CFI: variants seen among roughly 807,000 people sequenced by gnomAD.
The protein encoded by CFI is complement factor I, also known as C3B/C4B inactivator.
A neutral mutation model predicts 78.8 loss-of-function variants in CFI; 66 were observed. The ratio of observed to expected loss-of-function variants is 0.84; its 90% CI spans 0.69 to 1.03. The LOEUF (loss-of-function observed/expected upper bound fraction) is 1.03, where lower values mean the gene tolerates loss of function less well. Ranked by LOEUF, CFI falls within the 50% of genes least tolerant of loss-of-function variation. The probability of loss-of-function intolerance (pLI) is 0.00; values close to 1 mark genes in which losing one functional copy is unlikely to be tolerated. For missense variants in CFI, 706 were observed against 704.5 expected (o/e 1.00, Z -0.02); for synonymous variants, 250 against 232.6 (o/e 1.07, Z -0.68).
chr4:109,746,301 G>T lies in CFI; in HGVS notation c.1350C>A (p.Ile450=). 1 of 1,614,170 alleles carries T rather than the reference G, an allele frequency of 6.2e-7. No homozygotes were observed. Among genetic ancestry groups the T allele is most frequent in the Non-Finnish European group, 8.5e-7 (1 of 1,180,018 alleles). ...NKKDCELPRS[I]PACVPWSPYL... ...AAGGAGACCAGGGGACACAGGCAGG[G>T]ATGGAACGAGGCAGCTCACAATCTT... The change falls in exon 11 of 13, where the codon ATC becomes ATA. Residue 450 remains isoleucine, a synonymous_variant. Transcript: ENST00000394634.
chr4:109,799,361 C>T (rs926358747), intron 1 of CFI, among the ~76,000 whole-genome samples: 1 of 152,152 alleles, frequency 6.6e-6, no homozygotes, highest in Non-Finnish European at 1.5e-5. Flanking sequence ...TACAGGAAGG[C>T]CTTAGGATAG....
intron 1 of CFI, among the ~76,000 whole-genome samples, chr4:109,787,754 G>T (rs1229663700): frequency 6.6e-6 from 1 of 151,704 alleles, no homozygotes; most frequent in African/African-American, 2.4e-5. Context: ...TTGTTTTGGG[G>T]TCAACTCCAT....
At chr4:109,770,831 T>C (rs1419853686) in intron 1 of CFI, among the ~76,000 whole-genome samples, 1 of 152,068 alleles carries the variant, frequency 6.6e-6, no homozygotes, top group Non-Finnish European at 1.5e-5. Flanking sequence ...CAAGGAGAAC[T>C]GAAAGCTAAG....
At chr4:109,753,677 T>A (rs1368087194) in intron 7 of CFI, among the ~76,000 whole-genome samples, 1 of 109,466 alleles carries the variant, frequency 9.1e-6, no homozygotes, top group African/African-American at 3.9e-5. Context: ...TAATTTTATA[T>A]TATATATTAT....
intron 7 of CFI, among the ~76,000 whole-genome samples, chr4:109,754,303 T>C (rs1368375795): frequency 6.6e-6 from 1 of 150,390 alleles, no homozygotes; most frequent in Non-Finnish European, 1.5e-5. Context: ...TAACATAAGG[T>C]AGGGAGCAGT....
chr4:109,742,416 G>T, intron 12 of CFI, 75 bp downstream of exon 12: 2 of 974,908 alleles, frequency 2.1e-6, no homozygotes, highest in Non-Finnish European at 3.3e-6. Flanking sequence ...CATGGGGGCT[G>T]ATGTGGTGGG....
rs1010351654 is a variant in CFI, at chr4:109,766,655, G to C, written c.227C>G (p.Ala76Gly). The change falls in exon 2 of 13, where the codon GCA becomes GGA. Residue 76 changes from alanine (A) to glycine (G), a missense_variant. Ala to Gly is a moderately conservative substitution (Grantham distance 60). Coordinates refer to ENST00000394634, the MANE Select transcript of CFI (RefSeq NM_000204.5). ...QCPKNGTAVC[A>G]TNRRSFPTYC... The stretch of plus-strand genomic sequence containing the variant: ...TGTTGGGAAGCTTCTCCTGTTAGTT[G>C]CACACACTGCAGTGCCATTCTTTGG... 6.8e-6 allele frequency: 11 copies of C among 1,614,154 alleles called. No individual in the cohort carries two copies. The Middle Eastern group carries it at 1.2e-3, about 169-fold the overall frequency.
chr4:109,797,786 G>A (rs79954953), intron 1 of CFI, among the ~76,000 whole-genome samples: 4,176 of 152,256 alleles, frequency 0.027, 140 homozygotes, highest in Admixed American at 0.095. Context: ...AATAAGATAT[G>A]TAAATGGTCA....
At chr4:109,787,019 G>C (rs930595124) in intron 1 of CFI, among the ~76,000 whole-genome samples, 1 of 152,050 alleles carries the variant, frequency 6.6e-6, no homozygotes, top group Non-Finnish European at 1.5e-5. Flanking sequence ...AGAAGAGCAT[G>C]ACCAGGCTAG....
the CFI span, among the ~76,000 whole-genome samples, chr4:109,731,357 AAGTG>A: frequency 1.3e-5 from 2 of 152,156 alleles, no homozygotes; most frequent in African/African-American, 4.8e-5. Context: ...AAAAAAAAGA[AAGTG>A]AGTAAGTATT....
chr4:109,779,051 C>G (rs1729651909), intron 1 of CFI, among the ~76,000 whole-genome samples: 1 of 152,146 alleles, frequency 6.6e-6, no homozygotes, highest in Non-Finnish European at 1.5e-5. Context: ...AAACTGGAAG[C>G]ATTCCCTTTG....
intron 3 of CFI, 78 bp downstream of exon 3, chr4:109,764,459 A>G: frequency 2.0e-6 from 3 of 1,487,662 alleles, no homozygotes; most frequent in Non-Finnish European, 2.8e-6. Flanking sequence ...AAATTAATAC[A>G]CAGAAAGGTT....
chr4:109,777,530 A>AATAATAT (rs764440853), intron 1 of CFI, among the ~76,000 whole-genome samples: 6,250 of 152,124 alleles, frequency 0.041, 208 homozygotes, highest in Admixed American at 0.099. Flanking sequence ...CACAATAATA[A>AATAATAT]TGGGAGACTT....
intron 1 of CFI, among the ~76,000 whole-genome samples, chr4:109,794,729 G>C (rs1426392335): frequency 6.6e-6 from 1 of 152,096 alleles, no homozygotes; most frequent in African/African-American, 2.4e-5. Context: ...GGAGGCAGAG[G>C]TTGCAGTGAG....
intron 10 of CFI, among the ~76,000 whole-genome samples, chr4:109,747,894 T>C (rs562098826): frequency 6.6e-6 from 1 of 152,220 alleles, no homozygotes; most frequent in South Asian, 2.1e-4. Flanking sequence ...ACATGTGCAA[T>C]TCACAATAGG....
At chr4:109,780,352 T>C (rs1729844246) in intron 1 of CFI, among the ~76,000 whole-genome samples, 1 of 152,138 alleles carries the variant, frequency 6.6e-6, no homozygotes, top group Admixed American at 6.5e-5. Context: ...GAAGAGACAC[T>C]TCTCAAAAGA....
At chr4:109,779,394 G>C (rs1729698512) in intron 1 of CFI, among the ~76,000 whole-genome samples, 1 of 152,034 alleles carries the variant, frequency 6.6e-6, no homozygotes, top group Non-Finnish European at 1.5e-5. Flanking sequence ...TTGCTTCAAA[G>C]AGAATAAAAT....
At chr4:109,755,068 C>G (rs933113852) in intron 7 of CFI, among the ~76,000 whole-genome samples, 3 of 151,886 alleles carry the variant, frequency 2.0e-5, no homozygotes, top group South Asian at 2.1e-4. Flanking sequence ...TAAAAGGAAC[C>G]CTTGCAAATC....
intron 2 of CFI, among the ~76,000 whole-genome samples, chr4:109,766,256 T>C (rs1727736660): frequency 6.6e-6 from 1 of 152,066 alleles, no homozygotes; most frequent in Non-Finnish European, 1.5e-5. Flanking sequence ...CTGGGAATAA[T>C]CCCTTTAACC....
Sources: allele counts gnomAD v4.1 joint callset (sites outside exome capture counted in the v4.1 genomes callset), GRCh38; gene constraint gnomAD v4.1.1; transcripts MANE v1.5; gene names NCBI Gene and HGNC (gene_info 2026-07-23, HGNC 2026-07-21).